The following KCNMA1 variants were observed in gnomAD, a reference collection of about 807,000 sequenced individuals.
The protein encoded by KCNMA1 is Calcium-activated potassium channel subunit alpha-1.
KCNMA1 carries 29 observed loss-of-function variants against 140.0 expected under a neutral mutation model. The observed-to-expected ratio is 0.21, with a 90% CI of 0.15 to 0.28. The LOEUF (loss-of-function observed/expected upper bound fraction) is 0.28. Ranked by LOEUF, KCNMA1 falls within the 10% of genes least tolerant of loss-of-function variation. The pLI is 1.00. For missense variants in KCNMA1, 880 were observed against 1,602.2 expected, an observed-to-expected ratio of 0.55 and a Z score of 7.70; for synonymous variants, 612 against 611.9, an observed-to-expected ratio of 1.00 and a Z score of 0.00.
chr10:76,995,759 G>A (rs2084100045), intron 19 of KCNMA1: 113 of 459,672 alleles, frequency 2.5e-4, no homozygotes, highest in South Asian at 1.8e-3. Flanking sequence ...CTTGCATAAG[G>A]GCCTCTTCTG....
chr10:77,321,966 TA>T (rs999267448), intron 2 of KCNMA1, among the ~76,000 whole-genome samples: 31 of 152,300 alleles, frequency 2.0e-4, no homozygotes, highest in African/African-American at 7.5e-4. Context: ...CAGTAACAAC[TA>T]AAACCTAAAA....
At position 77,637,801 on chromosome 10, in the gene KCNMA1, C is replaced by A. The variant is rs1032275334; in HGVS notation, c.-159G>T. The A allele has an allele frequency of 3.3e-6, 4 of 1,227,026 alleles. No individual in the cohort carries two copies. Among genetic ancestry groups the A allele is most frequent in the South Asian group, 3.3e-5 (1 of 30,708 alleles). The allele number at this position is 1,227,026 out of a possible 1,614,324, so 76.0% of individuals were successfully genotyped here. On this transcript the variant is annotated 5_prime_UTR_variant, in exon 1 of 28. Transcript: ENST00000286628. The stretch of plus-strand genomic sequence containing the variant: ...GGCGGGGAGGCGCCTGGGCTCGGGG[C>A]GCTGTGCGCGACCTGGCGGGGTGCG...
intron 15 of KCNMA1, among the ~76,000 whole-genome samples, chr10:77,030,995 C>T (rs1278835044): frequency 6.6e-6 from 1 of 152,184 alleles, no homozygotes; most frequent in African/African-American, 2.4e-5. Context: ...CAGACTCAAG[C>T]CCTTCAAGAT....
Position 76,885,230 on chromosome 10 carries a change from ATTATATAG to A in KCNMA1, c.*2028_*2035del. ...TTATATATATAGTTATATATATATA[ATTATATAG>A]TTATATATATATAATTATATATAGT... On this transcript the variant is annotated 3_prime_UTR_variant, in exon 28 of 28. Coordinates refer to ENST00000286628, the MANE Select transcript of KCNMA1 (RefSeq NM_001161352.2). 1.9e-6 allele frequency: 1 copy of A among 521,046 alleles called. No individual in the cohort carries two copies. The highest frequency in any genetic ancestry group is 2.5e-6 in the Non-Finnish European group (1 of 405,370). 32.3% of individuals were successfully genotyped at this position (521,046 alleles called of 1,614,324 possible).
chr10:77,109,165 A>T (rs2097261293), intron 8 of KCNMA1, among the ~76,000 whole-genome samples: 1 of 152,176 alleles, frequency 6.6e-6, no homozygotes, highest in Non-Finnish European at 1.5e-5. Flanking sequence ...TCCAACAAAC[A>T]TCTGGCCTGT....
chr10:77,104,747 G>T lies in KCNMA1; in HGVS notation c.1223+3734C>A, dbSNP rs188261014. ...CCATGTGACCTTGGACCACGATCTT[G>T]TCAGTTCTCATAAACTAACCAGGAG... is the stretch of plus-strand genomic sequence containing the variant. On this transcript the variant is annotated intron_variant, in intron 9 of 27. Coordinates refer to ENST00000286628, the MANE Select transcript of KCNMA1 (RefSeq NM_001161352.2). Among the ~76,000 whole-genome samples, 6 of 152,278 alleles carry T rather than the reference G, an allele frequency of 3.9e-5. No individual in the cohort carries two copies. In the East Asian group the frequency reaches 7.7e-4, roughly 20 times the overall value.
intron 1 of KCNMA1, among the ~76,000 whole-genome samples, chr10:77,507,770 T>G (rs1442706465): frequency 1.3e-5 from 2 of 152,234 alleles, no homozygotes; most frequent in African/African-American, 2.4e-5. Context: ...TGAGATTTCA[T>G]GAAAGCTGCA....
intron 1 of KCNMA1, among the ~76,000 whole-genome samples, chr10:77,503,424 T>C (rs1277782829): frequency 6.6e-6 from 1 of 152,200 alleles, no homozygotes; most frequent in African/African-American, 2.4e-5. Flanking sequence ...TCTGACATTC[T>C]AGATACATCT....
At chr10:77,339,011 G>C (rs1246574739) in intron 2 of KCNMA1, among the ~76,000 whole-genome samples, 2 of 152,060 alleles carry the variant, frequency 1.3e-5, no homozygotes, top group African/African-American at 4.8e-5. Flanking sequence ...GTCTCCTCCA[G>C]GAAGGCAGAC....
At chr10:76,905,079 T>G (rs898323164) in intron 25 of KCNMA1, 3 of 152,234 alleles carry the variant, frequency 2.0e-5, no homozygotes, top group African/African-American at 4.8e-5. Flanking sequence ...ATATAAAATC[T>G]TATTTTAAAA....
intron 1 of KCNMA1, among the ~76,000 whole-genome samples, chr10:77,517,224 T>C (rs1010279875): frequency 4.6e-5 from 7 of 151,936 alleles, no homozygotes; most frequent in African/African-American, 1.2e-4. Context: ...TCATTCAAGG[T>C]GTACAGAAAG....
rs562756117 is a variant in KCNMA1, at chr10:76,885,239, T to TTA, written c.*2025_*2026dup. Reference sequence around the variant, plus strand: ...TAGTTATATATATATAATTATATAGTTATATATATATAATTATATATAGTT... The same window carrying TTA: ...TAGTTATATATATATAATTATATAGTTATATATATATATAATTATATATAGTT... On this transcript the variant is annotated 3_prime_UTR_variant, in exon 28 of 28. Transcript: ENST00000286628. 201 of 480,628 alleles carry TTA rather than the reference T, an allele frequency of 4.2e-4. 1 individual carries two copies. In the East Asian group the frequency reaches 0.015, roughly 37 times the overall value. The allele number at this position is 480,628 out of a possible 1,614,324, so 29.8% of individuals were successfully genotyped here.
intron 9 of KCNMA1, chr10:77,090,775 C>A (rs1161172942): frequency 7.3e-6 from 4 of 546,890 alleles, no homozygotes; most frequent in African/African-American, 5.7e-5. Flanking sequence ...ACTGTTTGGC[C>A]AAGTGGTTTT....
At chr10:77,444,901 G>C (rs1020764824) in intron 1 of KCNMA1, among the ~76,000 whole-genome samples, 23 of 152,224 alleles carry the variant, frequency 1.5e-4, no homozygotes, top group Admixed American at 4.6e-4. Context: ...TTCTCCACTT[G>C]AGCAGTGAAC....
intron 1 of KCNMA1, among the ~76,000 whole-genome samples, chr10:77,514,126 C>A (rs796759590): frequency 1.2e-3 from 190 of 152,312 alleles, no homozygotes; most frequent in African/African-American, 4.4e-3. Context: ...CAGTGGCAGG[C>A]GAAATGTGGC....
At chr10:77,329,791 C>A (rs2085640184) in intron 2 of KCNMA1, among the ~76,000 whole-genome samples, 1 of 152,162 alleles carries the variant, frequency 6.6e-6, no homozygotes, top group Non-Finnish European at 1.5e-5. Flanking sequence ...GTCCTAAATC[C>A]ATCACTAATC....
intron 1 of KCNMA1, among the ~76,000 whole-genome samples, chr10:77,505,515 AGAG>A (rs1186358921): frequency 6.6e-6 from 1 of 152,250 alleles, no homozygotes; most frequent in Admixed American, 6.5e-5. Flanking sequence ...CTCATTAGTT[AGAG>A]GAGAGAGATG....
chr10:76,938,098 T>C (rs1340501040), intron 23 of KCNMA1, among the ~76,000 whole-genome samples: 1 of 122,912 alleles, frequency 8.1e-6, no homozygotes, highest in African/African-American at 3.0e-5. Flanking sequence ...CCTCTCTTTC[T>C]GAGATGGTAT....
chr10:77,472,587 A>C (rs1165206386), intron 1 of KCNMA1, among the ~76,000 whole-genome samples: 1 of 152,234 alleles, frequency 6.6e-6, no homozygotes, highest in Non-Finnish European at 1.5e-5. Context: ...AAGCAGAGGA[A>C]AATAGGCATT....
Sources: allele counts gnomAD v4.1 joint callset (sites outside exome capture counted in the v4.1 genomes callset), GRCh38; gene constraint gnomAD v4.1.1; transcripts MANE v1.5; gene names NCBI Gene and HGNC (gene_info 2026-07-23, HGNC 2026-07-21).